The following GALNT18 variants were observed in gnomAD, a reference collection of about 807,000 sequenced individuals.
GALNT18 encodes GalNAc-transferase 18.
A neutral mutation model predicts 69.5 loss-of-function variants in GALNT18; 44 were observed. That is an observed-to-expected ratio of 0.63 (90% CI 0.50 to 0.81). GALNT18 has a LOEUF of 0.81. Among genes scored for constraint, GALNT18 ranks in the 40% least tolerant of loss-of-function variants. The pLI is 0.00. For synonymous variants in GALNT18, 364 were observed against 318.2 expected (o/e 1.14, Z -1.53); for missense variants, 715 against 810.0 (o/e 0.88, Z 1.42).
chr11:11,398,314 T>C (rs1434327333), intron 3 of GALNT18, among the ~76,000 whole-genome samples: 1 of 152,230 alleles, frequency 6.6e-6, no homozygotes, highest in Admixed American at 6.5e-5. Flanking sequence ...TAGCTCTGCC[T>C]GAGCTCACTG....
Position 11,293,102 on chromosome 11 carries a change from T to G in GALNT18, c.1604A>C (p.Asn535Thr), listed in dbSNP as rs199611116. The G allele has an allele frequency of 2.9e-6, 4 of 1,379,458 alleles. No individual in the cohort carries two copies. Among genetic ancestry groups the G allele is most frequent in the Non-Finnish European group, 9.5e-7 (1 of 1,057,614 alleles). 85.5% of individuals were successfully genotyped at this position (1,379,458 alleles called of 1,614,324 possible). A position where few individuals can be genotyped will look rare whatever the true frequency, so the allele number is the denominator to read the frequency against. ...GCATTCGATGAGCCGGGGCCGGCTG[T>G]TGACGTCCACCAGGCATCGGTTGTC... Reference protein sequence around the residue: ...DDDNRCLVDVNSRPRLIECSY... With the variant: ...DDDNRCLVDVTSRPRLIECSY... The change falls in exon 10 of 11, where the codon AAC becomes ACC. Residue 535 changes from asparagine to threonine, a missense_variant. Transcript: ENST00000227756.
intron 1 of GALNT18, among the ~76,000 whole-genome samples, chr11:11,490,013 C>T (rs1443707891): frequency 6.6e-6 from 1 of 152,170 alleles, no homozygotes; most frequent in African/African-American, 2.4e-5. Context: ...TTGGAAACTT[C>T]ATCTCCAATG....
At chr11:11,561,652 G>A (rs1176816894) in intron 1 of GALNT18, among the ~76,000 whole-genome samples, 1 of 152,190 alleles carries the variant, frequency 6.6e-6, no homozygotes, top group Non-Finnish European at 1.5e-5. Flanking sequence ...TTCTGGTCCA[G>A]CTTTAGTGCA....
Position 11,562,773 on chromosome 11 carries a change from C to T in GALNT18, c.235+58586G>A, listed in dbSNP as rs1339234423. ...CACAAAGTGCTCTGCCTTCAATCCC[C>T]ATTTTAATGATGCTAACTCAAGGCT... On this transcript the variant is annotated intron_variant, in intron 1 of 10. Transcript: ENST00000227756. The surrounding 1 kb of genome is among the most constrained non-coding windows in gnomAD (Gnocchi z 4.1). Among the ~76,000 whole-genome samples the T allele has an allele frequency of 2.0e-5, 3 of 152,198 alleles. No individual in the cohort carries two copies. Among genetic ancestry groups the T allele is most frequent in the East Asian group, 3.8e-4 (2 of 5,198 alleles).
At chr11:11,518,760 C>G (rs1027581919) in intron 1 of GALNT18, among the ~76,000 whole-genome samples, 3 of 152,224 alleles carry the variant, frequency 2.0e-5, no homozygotes, top group Non-Finnish European at 4.4e-5. Flanking sequence ...GATCAATTAT[C>G]CAGGAGCAAA....
intron 1 of GALNT18, among the ~76,000 whole-genome samples, chr11:11,526,197 A>G (rs1275967367): frequency 2.0e-5 from 3 of 152,164 alleles, no homozygotes; most frequent in Non-Finnish European, 2.9e-5. Flanking sequence ...GAAGACCAGG[A>G]AGTTAGATGT....
chr11:11,278,588 C>T (rs1002546344), intron 10 of GALNT18, among the ~76,000 whole-genome samples: 2 of 151,514 alleles, frequency 1.3e-5, no homozygotes, highest in African/African-American at 4.9e-5. Context: ...ATAAACCAGG[C>T]ACAGAAAGAC....
intron 2 of GALNT18, among the ~76,000 whole-genome samples, chr11:11,433,870 G>A (rs562048714): frequency 5.3e-5 from 8 of 152,168 alleles, no homozygotes; most frequent in Non-Finnish European, 1.2e-4. Context: ...CAGGCCCTGG[G>A]TTTGGAGAGG....
intron 3 of GALNT18, among the ~76,000 whole-genome samples, chr11:11,418,862 C>T (rs978416944): frequency 2.6e-5 from 4 of 152,172 alleles, no homozygotes; most frequent in Non-Finnish European, 5.9e-5. Context: ...TTCTCTGGAT[C>T]GCAGTTTTCT....
Position 11,291,408 on chromosome 11 carries a change from G to A in GALNT18, c.1677+1621C>T, listed in dbSNP as rs115965312. On this transcript the variant is annotated intron_variant, in intron 10 of 10. Coordinates refer to ENST00000227756, the MANE Select transcript of GALNT18 (RefSeq NM_198516.3). ...TCTGTGACTCAGTTTCCTCATCTAT[G>A]AGGTCAGGTGGTACCTATCACATCT... Among the ~76,000 whole-genome samples, 1,026 of 152,332 alleles carry A rather than the reference G, an allele frequency of 6.7e-3. 14 individuals carry two copies. The highest frequency in any genetic ancestry group is 0.024 in the African/African-American group (982 of 41,570).
At chr11:11,390,528 G>C (rs1253952678) in intron 3 of GALNT18, among the ~76,000 whole-genome samples, 1 of 152,168 alleles carries the variant, frequency 6.6e-6, no homozygotes, top group Non-Finnish European at 1.5e-5. Flanking sequence ...CAGGCTGTAT[G>C]TCAGCTCCAC....
At chr11:11,317,370 C>G (rs905049734) in intron 9 of GALNT18, among the ~76,000 whole-genome samples, 3 of 152,242 alleles carry the variant, frequency 2.0e-5, no homozygotes, top group Non-Finnish European at 2.9e-5. Context: ...CTGGGCCCCA[C>G]TGGGTCCCGT....
Position 11,329,418 on chromosome 11 carries a change from A to G in GALNT18, c.1417-2237T>C, listed in dbSNP as rs1849980874. Among the ~76,000 whole-genome samples, 2 of 152,224 alleles carry G rather than the reference A, an allele frequency of 1.3e-5. 1 individual carries two copies. Among genetic ancestry groups the G allele is most frequent in the South Asian group, 4.2e-4 (2 of 4,814 alleles). On this transcript the variant is annotated intron_variant, in intron 8 of 10. Coordinates refer to ENST00000227756, the MANE Select transcript of GALNT18 (RefSeq NM_198516.3). ...AGGATGAAGGAACTGTGGTGTAGTA[A>G]CAAGCTCCACTCTCCTCCCTGTCTA...
intron 1 of GALNT18, among the ~76,000 whole-genome samples, chr11:11,456,855 T>G (rs1855935751): frequency 6.6e-6 from 1 of 152,180 alleles, no homozygotes; most frequent in Non-Finnish European, 1.5e-5. Flanking sequence ...GTGGTCTCAG[T>G]GATATGCCCA....
chr11:11,474,932 C>G (rs959730474), intron 1 of GALNT18, among the ~76,000 whole-genome samples: 2 of 152,184 alleles, frequency 1.3e-5, no homozygotes, highest in Admixed American at 1.3e-4. Flanking sequence ...CTGCCTTTCC[C>G]CAGAGTGGGA....
chr11:11,322,163 T>C (rs1364452261), intron 9 of GALNT18, among the ~76,000 whole-genome samples: 2 of 152,268 alleles, frequency 1.3e-5, no homozygotes, highest in South Asian at 2.1e-4. Flanking sequence ...CTTTTTGGTG[T>C]ATCTACCATT....
chr11:11,343,223 C>CT (rs1468599636), intron 6 of GALNT18, among the ~76,000 whole-genome samples: 1 of 152,056 alleles, frequency 6.6e-6, no homozygotes, highest in African/African-American at 2.4e-5. Flanking sequence ...TGGCACGTGC[C>CT]TGTAGTCCCA....
intron 1 of GALNT18, among the ~76,000 whole-genome samples, chr11:11,478,514 G>A (rs761894128): frequency 6.6e-6 from 1 of 152,170 alleles, no homozygotes; most frequent in African/African-American, 2.4e-5. Flanking sequence ...CGGCAGCACC[G>A]AGGCAGGCCT....
chr11:11,512,143 C>T (rs1477429521), intron 1 of GALNT18, among the ~76,000 whole-genome samples: 3 of 152,172 alleles, frequency 2.0e-5, no homozygotes, highest in African/African-American at 7.2e-5. Context: ...TCACCAAAGA[C>T]GAAAGCCAAT....
Sources: gnomAD v4.1 joint callset for allele counts (sites outside exome capture counted in the v4.1 genomes callset) on GRCh38, gnomAD v4.1.1 for gene constraint, Gnocchi (gnomAD v3.1) non-coding constraint, MANE v1.5 for transcripts, NCBI Gene and HGNC (gene_info 2026-07-23, HGNC 2026-07-21) for gene names.